Variants in GEM observed in about 807,000 individuals in gnomAD.
GEM encodes GTP-binding protein GEM.
Under a neutral mutation model 33.0 loss-of-function variants are expected in GEM, and 31 were observed. The observed-to-expected ratio is 0.94, with a 90% CI of 0.71 to 1.27. GEM has a LOEUF of 1.27. Among genes scored for constraint, GEM ranks in the 50% most tolerant of loss-of-function variants. The probability of loss-of-function intolerance (pLI) is 0.00; values close to 1 mark genes in which losing one functional copy is unlikely to be tolerated. For missense variants in GEM, 354 were observed against 390.5 expected, an observed-to-expected ratio of 0.91 and a Z score of 0.79; for synonymous variants, 141 against 143.7, an observed-to-expected ratio of 0.98 and a Z score of 0.13.
chr8:94,261,177 A>AG (rs1235828378), intron 1 of GEM, among the ~76,000 whole-genome samples: 33 of 152,150 alleles, frequency 2.2e-4, no homozygotes, highest in Non-Finnish European at 4.3e-4. Flanking sequence ...TTTAAAGTTT[A>AG]TGCCTCAGCT....
chr8:94,255,456 C>T (rs538904356), intron 2 of GEM, among the ~76,000 whole-genome samples: 12 of 152,122 alleles, frequency 7.9e-5, no homozygotes, highest in Admixed American at 5.9e-4. Context: ...CTTTACCCCC[C>T]ACCCCAGTAC....
chr8:94,250,442 C>G lies in GEM; in HGVS notation c.759G>C (p.Leu253=). The change falls in exon 5 of 5, where the codon CTG becomes CTC. Residue 253 remains leucine (L), a synonymous_variant. Coordinates refer to ENST00000297596, the MANE Select transcript of GEM (RefSeq NM_005261.4). ...TGCTCTCCTTCCTTTTCTGGTAGGC[C>G]AGCCGCCGTTCATTCTTCTCCTTGC... ...RDSKEKNERR[L]AYQKRKESMP... is the part of the protein sequence containing the mutation. The G allele has an allele frequency of 1.9e-6, 3 of 1,614,200 alleles. No homozygotes were observed. In the Admixed American group the frequency reaches 5.0e-5, roughly 27 times the overall value.
Position 94,249,816 on chromosome 8 carries a change from A to C in GEM, c.*494T>G, listed in dbSNP as rs988612628. ...TTTCACAGTTTGATGGAGCAATAAT[A>C]GTCACGATTCTGATGAGCCTAGTTC... is the stretch of plus-strand genomic sequence containing the variant. On this transcript the variant is annotated 3_prime_UTR_variant, in exon 5 of 5. Coordinates refer to ENST00000297596, the MANE Select transcript of GEM (RefSeq NM_005261.4). 6.6e-6 allele frequency: 1 copy of C among 152,526 alleles called. No individual in the cohort carries two copies. Among genetic ancestry groups the C allele is most frequent in the East Asian group, 1.9e-4 (1 of 5,210 alleles). 9.4% of individuals were successfully genotyped at this position (152,526 alleles called of 1,614,324 possible). A position where few individuals can be genotyped will look rare whatever the true frequency, so the allele number is the denominator to read the frequency against.
chr8:94,249,270 T>C lies in GEM; in HGVS notation c.*1040A>G, dbSNP rs1027591958. 6.6e-6 allele frequency: 1 copy of C among 152,252 alleles called. No homozygotes were observed. Among genetic ancestry groups the C allele is most frequent in the African/African-American group, 2.4e-5 (1 of 41,466 alleles). 9.4% of individuals were successfully genotyped at this position (152,252 alleles called of 1,614,324 possible). On this transcript the variant is annotated 3_prime_UTR_variant, in exon 5 of 5. Transcript: ENST00000297596. Reference sequence around the variant, plus strand: ...AGAATGCCTTTTTTCAAATATTTTATTTCTTTTATTATAAGACATATAGGT... The same window carrying C: ...AGAATGCCTTTTTTCAAATATTTTACTTCTTTTATTATAAGACATATAGGT...
intron 4 of GEM, 30 bp downstream of exon 4, chr8:94,251,989 T>C (rs372215492): frequency 6.6e-7 from 1 of 1,523,746 alleles, no homozygotes; most frequent in African/African-American, 1.4e-5. Context: ...CCAGCGATTG[T>C]TTCTACAGTA....
At chr8:94,253,160 C>T (rs770830845) in intron 2 of GEM, 48 bp from the exon 3 acceptor site, 1 of 966,908 alleles carries the variant, frequency 1.0e-6, no homozygotes, top group Non-Finnish European at 1.7e-6. Flanking sequence ...ATATGCAACA[C>T]TTCTCCATAA....
rs1203460397 is a variant in GEM at position 94,252,113 on chromosome 8, G to C, written c.519C>G (p.Ile173Met). 2.2e-5 allele frequency: 36 copies of C among 1,613,644 alleles called. No homozygotes were observed. The highest frequency in any genetic ancestry group is 2.7e-5 in the Non-Finnish European group (32 of 1,179,664). Reference sequence around the variant, plus strand: ...CTGTCTGCCGGGCCCTGCGGAGCTGGATTCGCAGCTCAGATGCCTTCTCGA... The same window carrying C: ...CTGTCTGCCGGGCCCTGCGGAGCTGCATTCGCAGCTCAGATGCCTTCTCGA... The part of the protein sequence containing the change: ...ASFEKASELR[I>M]QLRRARQTED... The change falls in exon 4 of 5, where the codon ATC becomes ATG. Residue 173 changes from isoleucine to methionine, a missense_variant. Transcript: ENST00000297596.
rs1808980862 is a variant in GEM, at chr8:94,260,082, C to T, written c.331+91G>A. On this transcript the variant is annotated intron_variant, in intron 2 of 4. Transcript: ENST00000297596. Reference sequence around the variant, plus strand: ...GTCCAAAATGCCTAACTTCAGCTCCCAACTCTGTGGGTAAATAAGTCACCC... The same window carrying T: ...GTCCAAAATGCCTAACTTCAGCTCCTAACTCTGTGGGTAAATAAGTCACCC... 4 of 830,482 alleles carry T rather than the reference C, an allele frequency of 4.8e-6. No homozygotes were observed. In the South Asian group the frequency reaches 6.6e-5, roughly 14 times the overall value. The allele number at this position is 830,482 out of a possible 1,614,324, so 51.4% of individuals were successfully genotyped here. A position where few individuals can be genotyped will look rare whatever the true frequency, so the allele number is the denominator to read the frequency against.
intron 2 of GEM, among the ~76,000 whole-genome samples, chr8:94,258,440 G>A (rs944606231): frequency 1.3e-5 from 2 of 151,902 alleles, no homozygotes; most frequent in Non-Finnish European, 2.9e-5. Context: ...CTCATCCATC[G>A]CCTTGTATCC....
At chr8:94,255,922 C>T (rs1808884369) in intron 2 of GEM, among the ~76,000 whole-genome samples, 1 of 152,116 alleles carries the variant, frequency 6.6e-6, no homozygotes. Context: ...GTTTGTCTTT[C>T]CTCATTTGAT....
At chr8:94,251,037 G>A (rs1271877537) in intron 4 of GEM, among the ~76,000 whole-genome samples, 1 of 152,164 alleles carries the variant, frequency 6.6e-6, no homozygotes, top group African/African-American at 2.4e-5. Context: ...CACACAGCCT[G>A]TAAGTGGCAG....
At chr8:94,253,137 T>C (rs1370637375) in intron 2 of GEM, 25 bp from the exon 3 acceptor site, 1 of 1,325,528 alleles carries the variant, frequency 7.5e-7, no homozygotes, top group East Asian at 2.3e-5. Context: ...ACAAAGATAT[T>C]GGAGTCAGGC....
At chr8:94,255,038 G>A (rs1808858666) in intron 2 of GEM, among the ~76,000 whole-genome samples, 1 of 152,106 alleles carries the variant, frequency 6.6e-6, no homozygotes, top group Non-Finnish European at 1.5e-5. Flanking sequence ...GCACAGAACG[G>A]GGATGGCCTG....
At position 94,260,307 on chromosome 8, in the gene GEM, A is replaced by T. The variant is rs767038807; in HGVS notation, c.197T>A (p.Val66Asp). 20 of 1,613,894 alleles carry T rather than the reference A, an allele frequency of 1.2e-5. No homozygotes were observed. The highest frequency in any genetic ancestry group is 1.5e-5 in the Non-Finnish European group (18 of 1,179,740). ...GGTGTTCCCTGACTCAGAGGAGATG[A>T]CTGAGTCTGTGGAGTCAGAGGACCA... is the stretch of plus-strand genomic sequence containing the variant. Reference protein sequence around the residue: ...RSWSSDSTDSVISSESGNTYY... With the variant: ...RSWSSDSTDSDISSESGNTYY... Residue 66 changes from valine (V) to aspartate (D), a missense_variant, in exon 2 of 5, where the codon GTC becomes GAC. Transcript: ENST00000297596.
chr8:94,251,250 G>A (rs1389591219), intron 4 of GEM, among the ~76,000 whole-genome samples: 2 of 152,070 alleles, frequency 1.3e-5, no homozygotes, highest in African/African-American at 4.8e-5. Context: ...AGCTTTTCTG[G>A]GACAGTCTCA....
Position 94,252,224 on chromosome 8 carries a change from CT to C in GEM, c.409-2del. 1 of 1,596,968 alleles carries C rather than the reference CT, an allele frequency of 6.3e-7. No individual in the cohort carries two copies. Among genetic ancestry groups the C allele is most frequent in the South Asian group, 1.1e-5 (1 of 90,774 alleles). On this transcript the variant is annotated splice_acceptor_variant, in intron 3 of 4. Transcript: ENST00000297596. LOFTEE classifies it high-confidence loss of function. Reference sequence around the variant, plus strand: ...GGTCATGGAGCCATTCATTTTCCCCCTAATGAAACAATAAGATCTTCTGTGA... The same window carrying C: ...GGTCATGGAGCCATTCATTTTCCCCCAATGAAACAATAAGATCTTCTGTGA...
At chr8:94,259,510 C>A (rs924873413) in intron 2 of GEM, among the ~76,000 whole-genome samples, 8 of 152,262 alleles carry the variant, frequency 5.3e-5, no homozygotes, top group South Asian at 2.1e-4. Flanking sequence ...GTGCTTTACC[C>A]CTAGCTGAAG....
In GEM at chr8:94,260,208, T is replaced by C. The variant is rs754500839; in HGVS notation, c.296A>G (p.His99Arg). The C allele has an allele frequency of 2.5e-6, 4 of 1,609,186 alleles. No individual in the cohort carries two copies. Among genetic ancestry groups the C allele is most frequent in the Non-Finnish European group, 2.6e-6 (3 of 1,175,842 alleles). The change falls in exon 2 of 5, where the codon CAT (histidine) becomes CGT (arginine). Residue 99 changes from histidine (H) to arginine (R), a missense_variant. Physicochemically the swap from His to Arg is conservative, Grantham distance 29. Transcript: ENST00000297596. ...STLANIFAGVHDSMDSDCEVL... is the reference protein window; with the variant it reads ...STLANIFAGVRDSMDSDCEVL... ...CTCGCAGTCGCTGTCCATGCTGTCA[T>C]GCACACCTGCAAAGATGTTGGCCAG...
chr8:94,261,222 AT>A (rs1188607926), intron 1 of GEM, among the ~76,000 whole-genome samples: 1 of 152,228 alleles, frequency 6.6e-6, no homozygotes, highest in Non-Finnish European at 1.5e-5. Context: ...CTTTTAAAAC[AT>A]CCCGGCTCCA....
Sources: gnomAD v4.1 joint callset for allele counts (sites outside exome capture counted in the v4.1 genomes callset) on GRCh38, gnomAD v4.1.1 for gene constraint, MANE v1.5 for transcripts, NCBI Gene and HGNC (gene_info 2026-07-23, HGNC 2026-07-21) for gene names.